The following ROBO1 variants were observed in gnomAD, a reference collection of about 807,000 sequenced individuals.
ROBO1 encodes roundabout guidance receptor 1.
In ROBO1, 149 loss-of-function variants were observed where a neutral mutation model predicts 195.9. The ratio of observed to expected loss-of-function variants is 0.76; its 90% CI spans 0.67 to 0.87. The LOEUF is 0.87. Among genes scored for constraint, ROBO1 ranks in the 40% least tolerant of loss-of-function variants. The probability of loss-of-function intolerance (pLI) is 0.00; values close to 1 mark genes in which losing one functional copy is unlikely to be tolerated. For missense variants in ROBO1, 1,933 were observed against 2,068.3 expected, an observed-to-expected ratio of 0.93 and a Z score of 1.27; for synonymous variants, 816 against 733.2, an observed-to-expected ratio of 1.11 and a Z score of -1.82.
intron 3 of ROBO1, among the ~76,000 whole-genome samples, chr3:79,021,327 A>G (rs909107025): frequency 1.3e-5 from 2 of 152,226 alleles, no homozygotes; most frequent in Admixed American, 1.3e-4. Context: ...ATAGAAAACA[A>G]ACACTAAAGT....
chr3:79,671,189 A>C (rs1946621588), intron 1 of ROBO1, among the ~76,000 whole-genome samples: 1 of 151,990 alleles, frequency 6.6e-6, no homozygotes, highest in Non-Finnish European at 1.5e-5. Flanking sequence ...AATTAATTAC[A>C]TACATTATGT....
chr3:79,650,432 G>T (rs1945968476), intron 1 of ROBO1, among the ~76,000 whole-genome samples: 1 of 151,032 alleles, frequency 6.6e-6, no homozygotes, highest in African/African-American at 2.4e-5. Context: ...TCTTTAAAAA[G>T]GTATTACATA....
chr3:79,707,381 T>A (rs549087807), intron 1 of ROBO1, among the ~76,000 whole-genome samples: 2 of 152,008 alleles, frequency 1.3e-5, no homozygotes, highest in African/African-American at 2.4e-5. Flanking sequence ...CCCTTGCCCA[T>A]TTTTTTTCTT....
intron 4 of ROBO1, among the ~76,000 whole-genome samples, chr3:78,844,599 A>G (rs1174578178): frequency 1.3e-5 from 2 of 152,100 alleles, no homozygotes; most frequent in Admixed American, 6.6e-5. Flanking sequence ...GTTCAGGGAT[A>G]CCGTGTGCTT....
chr3:78,691,749 T>C (rs769597247), intron 8 of ROBO1, among the ~76,000 whole-genome samples: 2 of 152,142 alleles, frequency 1.3e-5, no homozygotes, highest in East Asian at 1.9e-4. Context: ...CTCACAAACA[T>C]TGAAAATTAA....
intron 2 of ROBO1, among the ~76,000 whole-genome samples, chr3:79,578,483 C>T (rs1371129161): frequency 6.6e-6 from 1 of 152,098 alleles, no homozygotes; most frequent in Non-Finnish European, 1.5e-5. Flanking sequence ...ATACTTAGCA[C>T]TATTTAATTG....
intron 2 of ROBO1, among the ~76,000 whole-genome samples, chr3:79,418,229 A>C (rs993215114): frequency 1.3e-5 from 2 of 152,164 alleles, no homozygotes; most frequent in Non-Finnish European, 2.9e-5. Flanking sequence ...ATGGCTTATG[A>C]AACAGAATTT....
intron 5 of ROBO1, among the ~76,000 whole-genome samples, chr3:78,725,616 C>T (rs763325338): frequency 6.6e-6 from 1 of 152,002 alleles, no homozygotes; most frequent in Non-Finnish European, 1.5e-5. Flanking sequence ...TGGAGAAAAC[C>T]ACTTTATGTC....
Position 78,909,777 on chromosome 3 carries a change from T to A in ROBO1, c.499+28824A>T, listed in dbSNP as rs186465809. 7.4e-4 allele frequency among the ~76,000 whole-genome samples: 112 copies of A among 151,848 alleles called. 1 individual carries two copies. The highest frequency in any genetic ancestry group is 1.3e-3 in the Non-Finnish European group (87 of 67,762). ...GAGAAAAATCTAGGGAAAAAAGTCT[T>A]TTTTTTACACCACCAGTGTATTTTA... is the stretch of plus-strand genomic sequence containing the variant. On this transcript the variant is annotated intron_variant, in intron 4 of 30. Transcript: ENST00000464233.
At chr3:79,565,200 C>A (rs1173880155) in intron 2 of ROBO1, among the ~76,000 whole-genome samples, 6 of 152,028 alleles carry the variant, frequency 3.9e-5, no homozygotes, top group Non-Finnish European at 8.8e-5. Context: ...CTACCAACAA[C>A]AATAGCAAGC....
intron 2 of ROBO1, among the ~76,000 whole-genome samples, chr3:79,474,137 C>A (rs1374122388): frequency 6.6e-6 from 1 of 152,042 alleles, no homozygotes; most frequent in Non-Finnish European, 1.5e-5. Context: ...AAACAGATGA[C>A]CTCATGCTCT....
At chr3:79,662,780 G>A (rs545452124) in intron 1 of ROBO1, among the ~76,000 whole-genome samples, 13 of 152,096 alleles carry the variant, frequency 8.5e-5, no homozygotes, top group Admixed American at 3.9e-4. Context: ...GAATAAAGTT[G>A]CAAAACTGTG....
chr3:79,660,506 A>G lies in ROBO1; in HGVS notation c.-50-70545T>C, dbSNP rs559087727. ...CTGCAAACCTGTGCCCTGAAGGTGT[A>G]GAAGTCATGATATCCAAAGAGGAAA... is the stretch of plus-strand genomic sequence containing the variant. On this transcript the variant is annotated intron_variant, in intron 1 of 30. Transcript: ENST00000464233. 6.6e-5 allele frequency among the ~76,000 whole-genome samples: 10 copies of G among 152,214 alleles called. No homozygotes were observed. The East Asian group carries it at 1.6e-3, about 24-fold the overall frequency.
At chr3:78,965,501 G>A (rs1576481602) in intron 3 of ROBO1, among the ~76,000 whole-genome samples, 2 of 151,970 alleles carry the variant, frequency 1.3e-5, no homozygotes. Flanking sequence ...TTCTTTGGGG[G>A]AAAGTTCTTT....
chr3:78,712,948 C>T (rs2081800812), intron 8 of ROBO1, among the ~76,000 whole-genome samples: 1 of 152,172 alleles, frequency 6.6e-6, no homozygotes, highest in Admixed American at 6.5e-5. Context: ...AGTCAACCTC[C>T]TTATCACAAT....
chr3:79,045,947 G>A (rs1047685688), intron 3 of ROBO1, among the ~76,000 whole-genome samples: 2 of 152,094 alleles, frequency 1.3e-5, no homozygotes, highest in Non-Finnish European at 1.5e-5. Context: ...CTAACTTAAA[G>A]TCAGCATTTC....
chr3:78,950,348 C>T (rs1323411348), intron 3 of ROBO1, among the ~76,000 whole-genome samples: 2 of 151,886 alleles, frequency 1.3e-5, no homozygotes, highest in African/African-American at 4.8e-5. Context: ...ATCATGAGTT[C>T]ATGTCCTTTG....
At chr3:79,148,015 A>G (rs1434414527) in intron 2 of ROBO1, among the ~76,000 whole-genome samples, 4 of 151,908 alleles carry the variant, frequency 2.6e-5, no homozygotes, top group Admixed American at 2.6e-4. Flanking sequence ...AATGTTGGTC[A>G]CAGACATTTC....
At chr3:78,599,191 T>C (rs74623259) in intron 30 of ROBO1, among the ~76,000 whole-genome samples, 16,156 of 152,052 alleles carry the variant, frequency 0.11, 1,005 homozygotes, top group African/African-American at 0.16. Context: ...CGGGAAGGAA[T>C]GTGTTGAGTT....
Sources: allele counts gnomAD v4.1 joint callset (sites outside exome capture counted in the v4.1 genomes callset), GRCh38; gene constraint gnomAD v4.1.1; transcripts MANE v1.5; gene names NCBI Gene and HGNC (gene_info 2026-07-23, HGNC 2026-07-21).